MSRA: variants seen among roughly 807,000 people sequenced by gnomAD.
MSRA encodes methionine sulfoxide reductase A, also known as mitochondrial peptide methionine sulfoxide reductase.
In MSRA, 54 loss-of-function variants were observed where a neutral mutation model predicts 31.3. That is an observed-to-expected ratio of 1.73 (90% CI 1.39 to 2.17). The LOEUF is 2.17. Among genes scored for constraint, MSRA ranks in the 30% most tolerant of loss-of-function variants. The pLI is 0.00. For synonymous variants in MSRA, 169 were observed against 116.5 expected (o/e 1.45, Z -2.90); for missense variants, 507 against 300.9 (o/e 1.69, Z -5.07).
chr8:10,237,878 C>A (rs1185225629), intron 2 of MSRA, among the ~76,000 whole-genome samples: 2 of 152,202 alleles, frequency 1.3e-5, no homozygotes, highest in African/African-American at 4.8e-5. Context: ...TGGATTACAG[C>A]CATAGTTTCT....
At chr8:10,174,978 A>G (rs145650751) in intron 1 of MSRA, among the ~76,000 whole-genome samples, 218 of 152,232 alleles carry the variant, frequency 1.4e-3, no homozygotes, top group African/African-American at 4.7e-3. Flanking sequence ...CCACACAGCC[A>G]TCACTTCTGA....
chr8:10,062,055 G>A (rs535009195), intron 1 of MSRA, among the ~76,000 whole-genome samples: 132 of 152,310 alleles, frequency 8.7e-4, no homozygotes, highest in Middle Eastern at 6.8e-3. Flanking sequence ...CCTGGCTGGG[G>A]GAGGAGACAT....
chr8:10,073,392 T>G (rs561931991), intron 1 of MSRA, among the ~76,000 whole-genome samples: 1 of 152,338 alleles, frequency 6.6e-6, no homozygotes, highest in East Asian at 1.9e-4. Flanking sequence ...TTGCTTTAGC[T>G]GTTTTCTGTG....
chr8:10,071,853 C>T (rs968783117), intron 1 of MSRA, among the ~76,000 whole-genome samples: 2 of 152,132 alleles, frequency 1.3e-5, no homozygotes, highest in Non-Finnish European at 2.9e-5. Flanking sequence ...CGCTGTATCT[C>T]AGTACGAGAG....
intron 5 of MSRA, among the ~76,000 whole-genome samples, chr8:10,344,932 T>A (rs2129153705): frequency 6.6e-6 from 1 of 152,230 alleles, no homozygotes; most frequent in East Asian, 1.9e-4. Flanking sequence ...TTCTGTGGGT[T>A]GGCTGCATTG....
chr8:10,326,358 T>G (rs1356077977), intron 5 of MSRA: 1 of 152,196 alleles, frequency 6.6e-6, no homozygotes, highest in Non-Finnish European at 1.5e-5. Context: ...CAAAAGTGAT[T>G]TTCCATTGAA....
At chr8:10,359,774 G>A (rs1344140901) in intron 5 of MSRA, among the ~76,000 whole-genome samples, 1 of 152,178 alleles carries the variant, frequency 6.6e-6, no homozygotes, top group Non-Finnish European at 1.5e-5. Context: ...ATGGAGGACG[G>A]TCTCAGACAG....
chr8:10,171,838 A>C (rs1017038414), intron 1 of MSRA, among the ~76,000 whole-genome samples: 1 of 152,238 alleles, frequency 6.6e-6, no homozygotes, highest in African/African-American at 2.4e-5. Context: ...TTGAAATCAG[A>C]AAGTATTATT....
chr8:10,229,175 C>G (rs1811252473), intron 2 of MSRA, among the ~76,000 whole-genome samples: 1 of 152,132 alleles, frequency 6.6e-6, no homozygotes. Context: ...ACTCACCTGC[C>G]CTTGGTTGAG....
At chr8:10,236,733 A>T (rs183166740) in intron 2 of MSRA, among the ~76,000 whole-genome samples, 1 of 152,220 alleles carries the variant, frequency 6.6e-6, no homozygotes, top group Non-Finnish European at 1.5e-5. Context: ...TTTAGTAGAG[A>T]TGGGGTTTTA....
At chr8:10,128,030 G>T (rs1801625752) in intron 1 of MSRA, among the ~76,000 whole-genome samples, 1 of 152,130 alleles carries the variant, frequency 6.6e-6, no homozygotes, top group Non-Finnish European at 1.5e-5. Context: ...GAGGAGAACT[G>T]CGGATCTTGT....
chr8:10,294,538 G>A (rs1027432406), intron 3 of MSRA, among the ~76,000 whole-genome samples: 1 of 152,194 alleles, frequency 6.6e-6, no homozygotes, highest in Non-Finnish European at 1.5e-5. Context: ...GTGGCAACTC[G>A]GGCACTCTGG....
At chr8:10,320,043 G>T (rs746990117) in intron 5 of MSRA, 54 bp downstream of exon 5, 13 of 1,216,392 alleles carry the variant, frequency 1.1e-5, no homozygotes, top group Non-Finnish European at 1.5e-5. Flanking sequence ...ACTAGGGCCA[G>T]GTTCTGATTT....
intron 1 of MSRA, among the ~76,000 whole-genome samples, chr8:10,091,700 G>A (rs546288482): frequency 1.1e-4 from 16 of 149,152 alleles, no homozygotes; most frequent in Non-Finnish European, 1.6e-4. Context: ...TCTGCCTCCC[G>A]GGTTCAAGTG....
At chr8:10,184,941 A>G (rs965460201) in intron 1 of MSRA, among the ~76,000 whole-genome samples, 2 of 152,216 alleles carry the variant, frequency 1.3e-5, no homozygotes, top group Non-Finnish European at 2.9e-5. Flanking sequence ...GAGAAAGTAA[A>G]TGATGTTGAA....
chr8:10,116,478 G>C (rs1039340746), intron 1 of MSRA, among the ~76,000 whole-genome samples: 1 of 152,148 alleles, frequency 6.6e-6, no homozygotes, highest in South Asian at 2.1e-4. Context: ...GCCATGCTAC[G>C]CTCTGCGGTA....
At chr8:10,119,295 C>T (rs6601415) in intron 1 of MSRA, among the ~76,000 whole-genome samples, 10 of 151,974 alleles carry the variant, frequency 6.6e-5, no homozygotes, top group African/African-American at 1.5e-4. Context: ...GGTCTTTGTC[C>T]GACAGAAGAC....
At chr8:10,123,474 T>C (rs533312636) in intron 1 of MSRA, among the ~76,000 whole-genome samples, 1 of 152,344 alleles carries the variant, frequency 6.6e-6, no homozygotes, top group Admixed American at 6.5e-5. Context: ...GGTTGTCTGT[T>C]TACTCTGTTG....
At chr8:10,388,610 A>G (rs1434158818) in intron 5 of MSRA, among the ~76,000 whole-genome samples, 2 of 152,184 alleles carry the variant, frequency 1.3e-5, no homozygotes, top group East Asian at 1.9e-4. Context: ...TCAGGAGGCC[A>G]AGAAACCTGC....
Sources: gnomAD v4.1 joint callset for allele counts (sites outside exome capture counted in the v4.1 genomes callset) on GRCh38, gnomAD v4.1.1 for gene constraint, MANE v1.5 for transcripts, NCBI Gene and HGNC (gene_info 2026-07-23, HGNC 2026-07-21) for gene names.